The following ANP32E variants were observed in gnomAD, a reference collection of about 807,000 sequenced individuals.
ANP32E encodes acidic nuclear phosphoprotein 32 family member E.
ANP32E carries 14 observed loss-of-function variants against 35.3 expected under a neutral mutation model. The ratio of observed to expected loss-of-function variants is 0.40; its 90% CI spans 0.26 to 0.62. The LOEUF (loss-of-function observed/expected upper bound fraction) is 0.62. Among genes scored for constraint, ANP32E ranks in the 20% least tolerant of loss-of-function variants. ANP32E has a pLI of 0.45. For synonymous variants in ANP32E, 89 were observed against 110.4 expected (o/e 0.81, Z 1.22); for missense variants, 198 against 304.4 (o/e 0.65, Z 2.60).
intron 1 of ANP32E, chr1:150,234,649 C>G (rs1384179899): frequency 9.1e-5 from 90 of 985,478 alleles, no homozygotes; most frequent in Non-Finnish European, 1.0e-4. Context: ...GCCACCAGCC[C>G]TGCTCTCGCG....
In ANP32E at chr1:150,230,990, G is replaced by A. The variant is rs141298299; in HGVS notation, c.205-297C>T. ...ACTCCTGACCTCAGGTGATCCACCC[G>A]CCTCGGCCTCCCAAAGTGCTGGGAT... On this transcript the variant is annotated intron_variant, in intron 2 of 6. Transcript: ENST00000583931. 2.8e-3 allele frequency among the ~76,000 whole-genome samples: 423 copies of A among 152,140 alleles called. 3 individuals carry two copies. The highest frequency in any genetic ancestry group is 9.6e-3 in the African/African-American group (400 of 41,530).
intron 5 of ANP32E, 32 bp from the exon 6 acceptor site, chr1:150,223,272 A>G: frequency 6.6e-7 from 1 of 1,519,410 alleles, no homozygotes; most frequent in Non-Finnish European, 8.9e-7. Flanking sequence ...TTGAAGATTG[A>G]AAAATCCATA....
intron 5 of ANP32E, among the ~76,000 whole-genome samples, chr1:150,225,698 G>A (rs1553839681): frequency 7.1e-6 from 1 of 140,232 alleles, no homozygotes. Context: ...AAAAGCAGAA[G>A]GAAGCAAAGG....
In ANP32E at chr1:150,229,419, T is replaced by A. The variant is rs587652517; in HGVS notation, c.328-182A>T. On this transcript the variant is annotated intron_variant, in intron 3 of 6. Coordinates refer to ENST00000583931, the MANE Select transcript of ANP32E (RefSeq NM_030920.5). ...TTCAAGCGATTCTCTTGCCTCAGCC[T>A]CCCGAGTAGCTGGGACTACAGGTGC... is the stretch of plus-strand genomic sequence containing the variant. Among the ~76,000 whole-genome samples, 10 of 146,360 alleles carry A rather than the reference T, an allele frequency of 6.8e-5. No individual in the cohort carries two copies. In the East Asian group the frequency reaches 1.7e-3, roughly 25 times the overall value.
rs1430660817 is a variant in ANP32E at position 150,220,514 on chromosome 1, A to C, written c.*177T>G. 1 of 606,334 alleles carries C rather than the reference A, an allele frequency of 1.6e-6. No homozygotes were observed. Among genetic ancestry groups the C allele is most frequent in the Non-Finnish European group, 2.9e-6 (1 of 343,068 alleles). The allele number at this position is 606,334 out of a possible 1,614,324, so 37.6% of individuals were successfully genotyped here. ...AAAATTTTTCTCTACATACAATATG[A>C]TCATTAACAGACTAGTTCTTATTTG... On this transcript the variant is annotated 3_prime_UTR_variant, in exon 7 of 7. Coordinates refer to ENST00000583931, the MANE Select transcript of ANP32E (RefSeq NM_030920.5).
rs116446919 is a variant in ANP32E, at chr1:150,223,271, G to A, written c.682-31C>T. ...AATTCAAATATTCAGTTTGAAGATT[G>A]AAAAATCCATATGATTTTTCACTCT... On this transcript the variant is annotated intron_variant, in intron 5 of 6. Coordinates refer to ENST00000583931, the MANE Select transcript of ANP32E (RefSeq NM_030920.5). 3.9e-3 allele frequency: 5,851 copies of A among 1,518,942 alleles called. 190 individuals are homozygous for A. The African/African-American group carries it at 0.062, about 16-fold the overall frequency. 94.1% of individuals were successfully genotyped at this position (1,518,942 alleles called of 1,614,324 possible). A position where few individuals can be genotyped will look rare whatever the true frequency, so the allele number is the denominator to read the frequency against.
At chr1:150,232,427 T>G (rs969737983) in intron 1 of ANP32E, among the ~76,000 whole-genome samples, 1 of 150,942 alleles carries the variant, frequency 6.6e-6, no homozygotes, top group South Asian at 2.1e-4. Flanking sequence ...AAAACTGATA[T>G]ACAATCTAAA....
At position 150,223,353 on chromosome 1, in the gene ANP32E, A is replaced by G. The variant is rs1387254530; in HGVS notation, c.682-113T>C. On this transcript the variant is annotated intron_variant, in intron 5 of 6. Transcript: ENST00000583931. ...AACTATGGTTATTCTGTGTTTTGAC[A>G]ACCTCTGCCATTCTTATAAAGGTCC... 2.2e-6 allele frequency: 3 copies of G among 1,362,600 alleles called. No individual in the cohort carries two copies. The East Asian group carries it at 7.7e-5, about 35-fold the overall frequency. The allele number at this position is 1,362,600 out of a possible 1,614,324, so 84.4% of individuals were successfully genotyped here.
Position 150,235,764 on chromosome 1 carries a change from T to A in ANP32E, c.23A>T (p.Asn8Ile). Reference sequence around the variant, plus strand: ...CGGGGATCTGTTCCTTAACTCCAGGTTAATCTTCTTCTTCATCTCCATGTC... The same window carrying A: ...CGGGGATCTGTTCCTTAACTCCAGGATAATCTTCTTCTTCATCTCCATGTC... MEMKKKI[N>I]LELRNRSPEE... The change falls in exon 1 of 7, where the codon AAC (asparagine) becomes ATC (isoleucine). Residue 8 changes from asparagine (N) to isoleucine (I), a missense_variant. Coordinates refer to ENST00000583931, the MANE Select transcript of ANP32E (RefSeq NM_030920.5). The surrounding 1 kb of genome is among the most constrained non-coding windows in gnomAD (Gnocchi z 4.2). 1 of 1,609,098 alleles carries A rather than the reference T, an allele frequency of 6.2e-7. No individual in the cohort carries two copies. The highest frequency in any genetic ancestry group is 8.5e-7 in the Non-Finnish European group (1 of 1,177,490).
At chr1:150,233,882 T>C (rs587687273) in intron 1 of ANP32E, among the ~76,000 whole-genome samples, 1 of 152,272 alleles carries the variant, frequency 6.6e-6, no homozygotes, top group East Asian at 1.9e-4. Flanking sequence ...GAATTGGTTC[T>C]GTCTTCAGAC....
chr1:150,235,645 AT>A lies in ANP32E; in HGVS notation c.54+87del. The stretch of plus-strand genomic sequence containing the variant: ...GGGATGGGGGCTAACTTATTACTCC[AT>A]CCCCGCACACCCACCCAGGACCACC... On this transcript the variant is annotated intron_variant, in intron 1 of 6. Coordinates refer to ENST00000583931, the MANE Select transcript of ANP32E (RefSeq NM_030920.5). This position sits in a 1 kb window ranked among gnomAD's most constrained non-coding sequence, Gnocchi z 4.2. 1 of 1,506,830 alleles carries A rather than the reference AT, an allele frequency of 6.6e-7. No homozygotes were observed. The highest frequency in any genetic ancestry group is 1.7e-4 in the Middle Eastern group (1 of 5,738). 93.3% of individuals were successfully genotyped at this position (1,506,830 alleles called of 1,614,324 possible).
intron 1 of ANP32E, 114 bp from the exon 2 acceptor site, chr1:150,232,040 G>A: frequency 1.8e-6 from 2 of 1,123,624 alleles, no homozygotes; most frequent in Admixed American, 2.8e-5. Context: ...CAGTTTGATT[G>A]CCCGTCAGTT....
rs1025535705 is a variant in ANP32E, at chr1:150,218,551, G to T, written c.*2140C>A. ...AATCAGGAGTACTGCAAATTTTTTT[G>T]TTTGTTTTTAACACTGTCATGGCTT... On this transcript the variant is annotated 3_prime_UTR_variant, in exon 7 of 7. Coordinates refer to ENST00000583931, the MANE Select transcript of ANP32E (RefSeq NM_030920.5). 2 of 152,474 alleles carry T rather than the reference G, an allele frequency of 1.3e-5. No individual in the cohort carries two copies. Among genetic ancestry groups the T allele is most frequent in the African/African-American group, 4.8e-5 (2 of 41,432 alleles). The allele number at this position is 152,474 out of a possible 1,614,324, so 9.4% of individuals were successfully genotyped here. A position where few individuals can be genotyped will look rare whatever the true frequency, so the allele number is the denominator to read the frequency against.
At chr1:150,229,476 TTGTTTTGTTC>T (rs1202642958) in intron 3 of ANP32E, among the ~76,000 whole-genome samples, 4 of 151,362 alleles carry the variant, frequency 2.6e-5, no homozygotes, top group Non-Finnish European at 1.5e-5. Flanking sequence ...TTTTGTGTTT[TTGTTTTGTTC>T]TGTTTTGTTG....
chr1:150,224,042 G>C (rs1306867221), intron 5 of ANP32E, among the ~76,000 whole-genome samples: 1 of 152,018 alleles, frequency 6.6e-6, no homozygotes, highest in Non-Finnish European at 1.5e-5. Context: ...ACTGCACCCG[G>C]CCAACTGCCT....
At position 150,235,883 on chromosome 1, in the gene ANP32E, GA is replaced by G; in HGVS notation, c.-98del. 1.2e-6 allele frequency: 1 copy of G among 836,396 alleles called. No individual in the cohort carries two copies. The highest frequency in any genetic ancestry group is 1.9e-6 in the Non-Finnish European group (1 of 512,896). The allele number at this position is 836,396 out of a possible 1,614,324, so 51.8% of individuals were successfully genotyped here. On this transcript the variant is annotated 5_prime_UTR_variant, in exon 1 of 7. Coordinates refer to ENST00000583931, the MANE Select transcript of ANP32E (RefSeq NM_030920.5). This position sits in a 1 kb window ranked among gnomAD's most constrained non-coding sequence, Gnocchi z 4.2. ...ATTTTTAAGAGATTTAGAAATGAATGAAAAGGAACGCAAATATAAACGCCCA... is the reference window on the plus strand; with the variant it reads ...ATTTTTAAGAGATTTAGAAATGAATGAAAGGAACGCAAATATAAACGCCCA...
chr1:150,232,488 G>T (rs587702294), intron 1 of ANP32E, among the ~76,000 whole-genome samples: 141,256 of 141,428 alleles, frequency 1, 70,553 homozygotes, highest in Middle Eastern at 1. Flanking sequence ...TTTTTTTTTT[G>T]TAGATGGAGT....
In ANP32E at chr1:150,226,807, C is replaced by A. The variant is rs1483573622; in HGVS notation, c.494-12G>T. ...ATCTTCATCGCCATCTTTAAAAAAT[C>A]ATTTAAAGATGAGTAAATGACTGGG... On this transcript the variant is annotated splice_polypyrimidine_tract_variant and intron_variant, in intron 4 of 6. Coordinates refer to ENST00000583931, the MANE Select transcript of ANP32E (RefSeq NM_030920.5). The A allele has an allele frequency of 1.9e-6, 3 of 1,595,652 alleles. No individual in the cohort carries two copies. The African/African-American group carries it at 4.0e-5, about 21-fold the overall frequency.
intron 4 of ANP32E, among the ~76,000 whole-genome samples, chr1:150,227,956 C>T (rs1271648084): frequency 6.6e-6 from 1 of 151,242 alleles, no homozygotes; most frequent in Non-Finnish European, 1.5e-5. Flanking sequence ...AAAGAAATCC[C>T]ATACCCATAG....
Sources: gnomAD v4.1 joint callset for allele counts (sites outside exome capture counted in the v4.1 genomes callset) on GRCh38, gnomAD v4.1.1 for gene constraint, Gnocchi (gnomAD v3.1) non-coding constraint, MANE v1.5 for transcripts, NCBI Gene and HGNC (gene_info 2026-07-23, HGNC 2026-07-21) for gene names.